SLC2A6: variants seen among roughly 807,000 people sequenced by gnomAD.
The protein encoded by SLC2A6 is solute carrier family 2 member 6, also known as solute carrier family 2, facilitated glucose transporter member 6.
A neutral mutation model predicts 47.8 loss-of-function variants in SLC2A6; 39 were observed. That is an observed-to-expected ratio of 0.82 (90% CI 0.63 to 1.07). The LOEUF (loss-of-function observed/expected upper bound fraction) is 1.07, where lower values mean the gene tolerates loss of function less well. Among genes scored for constraint, SLC2A6 ranks in the 50% least tolerant of loss-of-function variants. The pLI is 0.00. For synonymous variants in SLC2A6, 346 were observed against 324.1 expected (o/e 1.07, Z -0.73); for missense variants, 650 against 707.6 (o/e 0.92, Z 0.92).
chr9:133,472,087 G>A lies in SLC2A6; in HGVS notation c.1458C>T (p.Thr486=), dbSNP rs1393826914. The change falls in exon 10 of 10, where the codon ACC becomes ACT. Residue 486 remains threonine (T), a synonymous_variant. Transcript: ENST00000371899. ...LVFTGCCVPE[T]KGRSLEQIES... ...CGATCTGCTCCAGGGACCGTCCCTT[G>A]GTCTCGGGCACACAGCAGCCTGTGA... 2.5e-6 allele frequency: 4 copies of A among 1,613,304 alleles called. No individual in the cohort carries two copies. Among genetic ancestry groups the A allele is most frequent in the Non-Finnish European group, 3.4e-6 (4 of 1,179,948 alleles).
intron 5 of SLC2A6, 77 bp from the exon 6 acceptor site, chr9:133,475,190 G>C (rs925971047): frequency 2.1e-6 from 3 of 1,436,060 alleles, no homozygotes; most frequent in Non-Finnish European, 2.7e-6. Context: ...ACCGCCAGGG[G>C]TTGTGTGGGA....
At chr9:133,474,158 G>T in intron 6 of SLC2A6, 70 bp from the exon 7 acceptor site, 1 of 1,309,064 alleles carries the variant, frequency 7.6e-7, no homozygotes, top group Non-Finnish European at 1.1e-6. Flanking sequence ...GACCCAGCTT[G>T]TCCCGGCAGG....
rs782030369 is a variant in SLC2A6 at position 133,473,161 on chromosome 9, CGCAGA to C, written c.1307_1311del (p.Leu436ArgfsTer129). 3 of 1,611,238 alleles carry C rather than the reference CGCAGA, an allele frequency of 1.9e-6. No homozygotes were observed. In the African/African-American group the frequency reaches 4.0e-5, roughly 22 times the overall value. ...AAGGCGGTGAGCCAGCTGGCCAGCACGCAGAGCCCTGAGGCCACGCCACGGGCACG... is the reference window on the plus strand; with the variant it reads ...AAGGCGGTGAGCCAGCTGGCCAGCACGCCCTGAGGCCACGCCACGGGCACG... On this transcript the variant is annotated frameshift_variant, in exon 9 of 10. Transcript: ENST00000371899. LOFTEE classifies it high-confidence loss of function.
chr9:133,475,754 C>A, intron 4 of SLC2A6, 143 bp from the exon 5 acceptor site: 1 of 754,058 alleles, frequency 1.3e-6, no homozygotes, highest in Non-Finnish European at 2.1e-6. Flanking sequence ...TTGCCCCAGG[C>A]AGGGTGGGGC....
intron 9 of SLC2A6, 85 bp downstream of exon 9, chr9:133,473,020 G>A: frequency 7.0e-7 from 1 of 1,426,776 alleles, no homozygotes; most frequent in Non-Finnish European, 9.4e-7. Flanking sequence ...CTGACAGCAG[G>A]CCTTGGCACA....
chr9:133,476,862 C>T (rs1384301519), intron 3 of SLC2A6, among the ~76,000 whole-genome samples, 173 bp downstream of exon 3: 2 of 152,226 alleles, frequency 1.3e-5, no homozygotes, highest in Non-Finnish European at 2.9e-5. Context: ...GAGACAATTT[C>T]CCCCAAATTA....
In SLC2A6 at chr9:133,478,403, T is replaced by C. The variant is rs1488853844; in HGVS notation, c.106A>G (p.Lys36Glu). ...GCGAAGGTGGCCAGGAACACCCTTTTGTTCTGCAGGGTCCTGGTGATGGTG... is the reference window on the plus strand; with the variant it reads ...GCGAAGGTGGCCAGGAACACCCTTTCGTTCTGCAGGGTCCTGGTGATGGTG... ...DRARVGTLQN[K>E]RVFLATFAAV... The change falls in exon 2 of 10, where the codon AAA (lysine) becomes GAA (glutamate). Residue 36 changes from lysine to glutamate, a missense_variant. Coordinates refer to ENST00000371899, the MANE Select transcript of SLC2A6 (RefSeq NM_017585.4). The C allele has an allele frequency of 1.2e-6, 2 of 1,614,130 alleles. No individual in the cohort carries two copies. The highest frequency in any genetic ancestry group is 2.7e-5 in the African/African-American group (2 of 75,078).
In SLC2A6 at chr9:133,471,751, C is replaced by T. The variant is rs1554801495; in HGVS notation, c.*270G>A. 7 of 409,478 alleles carry T rather than the reference C, an allele frequency of 1.7e-5. No homozygotes were observed. Among genetic ancestry groups the T allele is most frequent in the East Asian group, 7.8e-5 (2 of 25,574 alleles). 25.4% of individuals were successfully genotyped at this position (409,478 alleles called of 1,614,324 possible). The stretch of plus-strand genomic sequence containing the variant: ...TAGGCCTGAGGTCACCCAGCAGGGC[C>T]GTGTCCCTGGATGCAGGGTTGTATG... On this transcript the variant is annotated 3_prime_UTR_variant, in exon 10 of 10. Coordinates refer to ENST00000371899, the MANE Select transcript of SLC2A6 (RefSeq NM_017585.4).
At chr9:133,472,288 GTCCT>G (rs1564464649) in intron 9 of SLC2A6, 112 bp from the exon 10 acceptor site, 1 of 1,273,266 alleles carries the variant, frequency 7.9e-7, no homozygotes, top group East Asian at 2.5e-5. Flanking sequence ...CCTTCATCTG[GTCCT>G]TCCTGTGTTC....
chr9:133,475,598 C>T lies in SLC2A6; in HGVS notation c.576G>A (p.Pro192=), dbSNP rs782524084. 18 of 1,598,038 alleles carry T rather than the reference C, an allele frequency of 1.1e-5. No homozygotes were observed. Among genetic ancestry groups the T allele is most frequent in the Non-Finnish European group, 1.3e-5 (15 of 1,174,432 alleles). Residue 192 remains proline (P), a synonymous_variant, in exon 5 of 10, where the codon CCG becomes CCA. Transcript: ENST00000371899. ...LSLYALGLLL[P]WRWLAVAGEA... is the part of the protein sequence containing the mutation. ...CCCCGGCCACAGCCAGCCAGCGCCACGGCAGCAGGAGGCCTGGGGGCGAGG... is the reference window on the plus strand; with the variant it reads ...CCCCGGCCACAGCCAGCCAGCGCCATGGCAGCAGGAGGCCTGGGGGCGAGG...
intron 3 of SLC2A6, among the ~76,000 whole-genome samples, 171 bp downstream of exon 3, chr9:133,476,864 C>T (rs1289715894): frequency 1.3e-5 from 2 of 152,188 alleles, no homozygotes; most frequent in Non-Finnish European, 2.9e-5. Context: ...GACAATTTCC[C>T]CCAAATTAGC....
At position 133,473,098 on chromosome 9, in the gene SLC2A6, C is replaced by T. The variant is rs782632730; in HGVS notation, c.1368+7G>A. On this transcript the variant is annotated splice_region_variant and intron_variant, in intron 9 of 9. Coordinates refer to ENST00000371899, the MANE Select transcript of SLC2A6 (RefSeq NM_017585.4). ...TAGGGGCCTGGGGCCTGGGGCTGAACACTCACCACCACTGGCAGGAAGGAC... is the reference window on the plus strand; with the variant it reads ...TAGGGGCCTGGGGCCTGGGGCTGAATACTCACCACCACTGGCAGGAAGGAC... The T allele has an allele frequency of 1.0e-5, 16 of 1,602,650 alleles. No individual in the cohort carries two copies. The Admixed American group carries it at 2.6e-4, about 26-fold the overall frequency.
At chr9:133,475,168 A>G in intron 5 of SLC2A6, 55 bp from the exon 6 acceptor site, 1 of 1,473,622 alleles carries the variant, frequency 6.8e-7, no homozygotes, top group South Asian at 1.4e-5. Context: ...AGCAGGCGCC[A>G]TCCTGCCCTG....
intron 6 of SLC2A6, 141 bp downstream of exon 6, chr9:133,474,820 G>T: frequency 2.6e-6 from 2 of 759,192 alleles, no homozygotes; most frequent in Non-Finnish European, 3.8e-6. Context: ...AGATCTTGCT[G>T]TGGCATCCCT....
chr9:133,475,264 GCC>G, intron 5 of SLC2A6, 134 bp downstream of exon 5: 1 of 1,360,686 alleles, frequency 7.3e-7, no homozygotes, highest in Non-Finnish European at 9.7e-7. Flanking sequence ...TCTGGGAACA[GCC>G]CCCCACCCCA....
At chr9:133,476,468 G>A in intron 3 of SLC2A6, 132 bp from the exon 4 acceptor site, 1 of 743,852 alleles carries the variant, frequency 1.3e-6, no homozygotes, top group Non-Finnish European at 2.3e-6. Flanking sequence ...CTGAGTCCTG[G>A]TCATGACTCA....
At position 133,473,486 on chromosome 9, in the gene SLC2A6, G is replaced by A. The variant is rs1843813699; in HGVS notation, c.1151C>T (p.Ala384Val). ...GCCAGCGGGTGCTGCCAGGGGCTGC[G>A]CCAAGTCCCCCCAGGACTCGCTTTC... ...GLESESWGDLAQPLAAPAGYL... is the reference protein window; with the variant it reads ...GLESESWGDLVQPLAAPAGYL... Residue 384 changes from alanine to valine, a missense_variant, in exon 8 of 10, where the codon GCG (alanine) becomes GTG (valine). Ala to Val is a moderately conservative substitution (Grantham distance 64). Coordinates refer to ENST00000371899, the MANE Select transcript of SLC2A6 (RefSeq NM_017585.4). 8 of 1,603,432 alleles carry A rather than the reference G, an allele frequency of 5.0e-6. No homozygotes were observed. The highest frequency in any genetic ancestry group is 2.2e-5 in the South Asian group (2 of 89,264).
At position 133,472,120 on chromosome 9, in the gene SLC2A6, G is replaced by T. The variant is rs1843741878; in HGVS notation, c.1425C>A (p.Ser475Arg). The change falls in exon 10 of 10, where the codon AGC becomes AGA. Residue 475 changes from serine to arginine, a missense_variant. Ser to Arg is a moderately radical substitution (Grantham distance 110). Transcript: ENST00000371899. ...FFFFAAICLV[S>R]LVFTGCCVPE... ...GCACACAGCAGCCTGTGAACACCAGGCTCACCAAGCAGATGGCCGCGAAGA... is the reference window on the plus strand; with the variant it reads ...GCACACAGCAGCCTGTGAACACCAGTCTCACCAAGCAGATGGCCGCGAAGA... 4 of 1,613,338 alleles carry T rather than the reference G, an allele frequency of 2.5e-6. No individual in the cohort carries two copies. The highest frequency in any genetic ancestry group is 3.4e-6 in the Non-Finnish European group (4 of 1,179,918).
chr9:133,476,885 G>T, intron 3 of SLC2A6, 150 bp downstream of exon 3: 1 of 823,812 alleles, frequency 1.2e-6, no homozygotes, highest in Non-Finnish European at 1.9e-6. Context: ...TGCCCTGCTG[G>T]GGGTGAGCTG....
Sources: allele counts gnomAD v4.1 joint callset (sites outside exome capture counted in the v4.1 genomes callset), GRCh38; gene constraint gnomAD v4.1.1; transcripts MANE v1.5; gene names NCBI Gene and HGNC (gene_info 2026-07-23, HGNC 2026-07-21).